The following WWP2 variants were observed in gnomAD, a reference collection of about 807,000 sequenced individuals.
The protein encoded by WWP2 is NEDD4-like E3 ubiquitin-protein ligase WWP2.
WWP2 carries 57 observed loss-of-function variants against 121.0 expected under a neutral mutation model. The ratio of observed to expected loss-of-function variants is 0.47; its 90% CI spans 0.38 to 0.59. The LOEUF (loss-of-function observed/expected upper bound fraction) is 0.59. Ranked by LOEUF, WWP2 falls within the 20% of genes least tolerant of loss-of-function variation. The pLI, the probability that WWP2 is intolerant of heterozygous loss-of-function variation, is 0.00. For missense variants in WWP2, 962 were observed against 1,158.9 expected (o/e 0.83, Z 2.47); for synonymous variants, 449 against 441.3 (o/e 1.02, Z -0.22).
In WWP2 at chr16:69,877,973, A is replaced by C. The variant is rs533916872; in HGVS notation, c.703+6042A>C. ...TAGGCGCGTGCCACCGTGCCCAGCT[A>C]ATTTTTGTATTTTTAGTAGAGCTGG... On this transcript the variant is annotated intron_variant, in intron 7 of 23. Coordinates refer to ENST00000359154, the MANE Select transcript of WWP2 (RefSeq NM_001270454.2). Among the ~76,000 whole-genome samples, 98 of 151,456 alleles carry C rather than the reference A, an allele frequency of 6.5e-4. 2 individuals carry two copies. In the South Asian group the frequency reaches 0.011, roughly 18 times the overall value.
intron 6 of WWP2, among the ~76,000 whole-genome samples, chr16:69,861,857 A>AT (rs1191316092): frequency 2.0e-5 from 3 of 150,972 alleles, no homozygotes; most frequent in Non-Finnish European, 4.4e-5. Context: ...GCTCCACTGA[A>AT]TTTTTTTTTC....
At chr16:69,811,395 G>A (rs377529775) in intron 4 of WWP2, among the ~76,000 whole-genome samples, 33 of 151,964 alleles carry the variant, frequency 2.2e-4, no homozygotes, top group African/African-American at 7.7e-4. Context: ...TTGCTTGAGC[G>A]TGGGAGTTCA....
intron 8 of WWP2, among the ~76,000 whole-genome samples, chr16:69,893,023 G>T (rs894450931): frequency 6.6e-6 from 1 of 152,184 alleles, no homozygotes; most frequent in South Asian, 2.1e-4. Context: ...CCTAAGCCAC[G>T]ATAACTTAAC....
chr16:69,765,112 C>T (rs150525136), intron 1 of WWP2, among the ~76,000 whole-genome samples: 90 of 152,114 alleles, frequency 5.9e-4, no homozygotes, highest in African/African-American at 2.1e-3. Flanking sequence ...GGGAGGATCA[C>T]CCAAGCCTGG....
At chr16:69,838,297 C>T (rs868515776) in intron 4 of WWP2, among the ~76,000 whole-genome samples, 2 of 151,956 alleles carry the variant, frequency 1.3e-5, no homozygotes, top group East Asian at 1.9e-4. Flanking sequence ...GTTTGCTTCA[C>T]GGTGCACAGC....
chr16:69,897,533 T>C (rs1057012766), intron 8 of WWP2, among the ~76,000 whole-genome samples: 2 of 152,210 alleles, frequency 1.3e-5, no homozygotes, highest in Non-Finnish European at 2.9e-5. Context: ...ACTTGGGACA[T>C]GCATTTAAAC....
At position 69,762,374 on chromosome 16, in the gene WWP2, C is replaced by A. The variant is rs530733641; in HGVS notation, c.-33C>A. On this transcript the variant is annotated 5_prime_UTR_variant, in exon 1 of 24. Coordinates refer to ENST00000359154, the MANE Select transcript of WWP2 (RefSeq NM_001270454.2). Reference sequence around the variant, plus strand: ...GAAGTAGGAGAGGAGTTCGGCGCCGCTTCTGTGGCCACGGCAGGTAGCGAG... The same window carrying A: ...GAAGTAGGAGAGGAGTTCGGCGCCGATTCTGTGGCCACGGCAGGTAGCGAG... 2.0e-5 allele frequency: 3 copies of A among 151,368 alleles called. No homozygotes were observed. The South Asian group carries it at 5.4e-4, about 27-fold the overall frequency. The allele number at this position is 151,368 out of a possible 1,614,324, so 9.4% of individuals were successfully genotyped here.
At chr16:69,888,974 G>A (rs1317378430) in intron 8 of WWP2, among the ~76,000 whole-genome samples, 1 of 152,176 alleles carries the variant, frequency 6.6e-6, no homozygotes, top group Non-Finnish European at 1.5e-5. Context: ...CCAAAGTGCT[G>A]GGATTACAGG....
chr16:69,837,532 C>T (rs901919509), intron 4 of WWP2, among the ~76,000 whole-genome samples: 2 of 152,178 alleles, frequency 1.3e-5, no homozygotes, highest in Non-Finnish European at 2.9e-5. Context: ...CAGGCTATCT[C>T]TCTGCCTTCT....
rs748965006 is a variant in WWP2, at chr16:69,931,144, C to T, written c.1446-8C>T. 2.5e-6 allele frequency: 4 copies of T among 1,613,530 alleles called. No individual in the cohort carries two copies. The highest frequency in any genetic ancestry group is 3.4e-6 in the Non-Finnish European group (4 of 1,179,662). ...GCATGAACCCCTGAACATCTTTGCT[C>T]TTCCTAGGACGAAGCAAGGTTCCCC... On this transcript the variant is annotated splice_region_variant and splice_polypyrimidine_tract_variant and intron_variant, in intron 13 of 23. Transcript: ENST00000359154.
intron 4 of WWP2, among the ~76,000 whole-genome samples, chr16:69,835,513 G>A (rs1438341893): frequency 1.3e-5 from 2 of 152,146 alleles, no homozygotes; most frequent in Non-Finnish European, 2.9e-5. Context: ...GCAAACATAT[G>A]GAAGAATTGA....
At chr16:69,854,931 C>T (rs1386891294) in intron 6 of WWP2, among the ~76,000 whole-genome samples, 1 of 152,162 alleles carries the variant, frequency 6.6e-6, no homozygotes, top group Non-Finnish European at 1.5e-5. Context: ...TCAAGGCCCA[C>T]TGCAGCCTCA....
intron 4 of WWP2, among the ~76,000 whole-genome samples, chr16:69,815,569 C>T (rs1240365371): frequency 6.6e-6 from 1 of 151,460 alleles, no homozygotes; most frequent in African/African-American, 2.4e-5. Flanking sequence ...GGGTGGATCA[C>T]AAGGTCAGGA....
chr16:69,799,345 G>C lies in WWP2; in HGVS notation c.340+50G>C, dbSNP rs1482847729. On this transcript the variant is annotated intron_variant, in intron 4 of 23. Transcript: ENST00000359154. The surrounding 1 kb of genome is among the most constrained non-coding windows in gnomAD (Gnocchi z 4.5). ...ACGTGATTCTTGGGTGGGGATGGGA[G>C]GACCTGGCAGATCAACCTGGTATTG... is the stretch of plus-strand genomic sequence containing the variant. 2 of 1,592,060 alleles carry C rather than the reference G, an allele frequency of 1.3e-6. No individual in the cohort carries two copies. Among genetic ancestry groups the C allele is most frequent in the South Asian group, 2.3e-5 (2 of 87,828 alleles).
intron 18 of WWP2, 146 bp downstream of exon 18, chr16:69,936,132 C>A: frequency 6.9e-7 from 1 of 1,445,446 alleles, no homozygotes. Flanking sequence ...AGAGGAATGT[C>A]CTCTGGGTTC....
intron 9 of WWP2, among the ~76,000 whole-genome samples, chr16:69,912,791 T>C (rs1046027286): frequency 2.0e-5 from 3 of 149,624 alleles, no homozygotes; most frequent in African/African-American, 4.9e-5. Context: ...ACACCTGTAA[T>C]AGTAGAACTT....
intron 9 of WWP2, among the ~76,000 whole-genome samples, chr16:69,912,598 G>A (rs1170537501): frequency 1.3e-5 from 2 of 151,880 alleles, no homozygotes; most frequent in African/African-American, 2.4e-5. Flanking sequence ...TTTTTGCTGG[G>A]GAAAGTGATA....
intron 7 of WWP2, among the ~76,000 whole-genome samples, chr16:69,874,446 C>T (rs947121237): frequency 2.6e-5 from 4 of 152,324 alleles, no homozygotes; most frequent in African/African-American, 9.6e-5. Context: ...ATTTATTTAG[C>T]AGCCTTTTTT....
At chr16:69,812,469 C>G (rs1278018904) in intron 4 of WWP2, among the ~76,000 whole-genome samples, 1 of 113,316 alleles carries the variant, frequency 8.8e-6, no homozygotes, top group African/African-American at 4.4e-5. Flanking sequence ...CTGCCCCCAA[C>G]CCCCCCCCTT....
Sources: allele counts gnomAD v4.1 joint callset (sites outside exome capture counted in the v4.1 genomes callset), GRCh38; gene constraint gnomAD v4.1.1; non-coding constraint Gnocchi (gnomAD v3.1); transcripts MANE v1.5; gene names NCBI Gene and HGNC (gene_info 2026-07-23, HGNC 2026-07-21).